Variants in SGCD observed in about 807,000 individuals in gnomAD.
SGCD encodes sarcoglycan delta, also known as delta-sarcoglycan.
A neutral mutation model predicts 36.6 loss-of-function variants in SGCD; 18 were observed. The ratio of observed to expected loss-of-function variants is 0.49; its 90% CI spans 0.34 to 0.73. The LOEUF is 0.73. Ranked by LOEUF, SGCD falls within the 30% of genes least tolerant of loss-of-function variation. The pLI is 0.01. For missense variants in SGCD, 387 were observed against 346.7 expected (o/e 1.12, Z -0.92); for synonymous variants, 133 against 130.6 (o/e 1.02, Z -0.12).
At chr5:156,229,300 A>ATACATACATATATATAT (rs1477607808) in intron 3 of SGCD, among the ~76,000 whole-genome samples, 1 of 126,178 alleles carries the variant, frequency 7.9e-6, no homozygotes, top group Non-Finnish European at 1.7e-5. Context: ...ATATATATAT[A>ATACATACATATATATAT]AAATTAGTTC....
chr5:155,914,096 T>G (rs954034665), intron 1 of SGCD, among the ~76,000 whole-genome samples: 4 of 152,150 alleles, frequency 2.6e-5, no homozygotes, highest in Non-Finnish European at 5.9e-5. Context: ...CTTGCCCAAA[T>G]TTGGTCTCAG....
At chr5:155,967,526 G>C (rs1341403420) in intron 1 of SGCD, among the ~76,000 whole-genome samples, 1 of 151,986 alleles carries the variant, frequency 6.6e-6, no homozygotes, top group Non-Finnish European at 1.5e-5. Context: ...CATCATGATG[G>C]AAAATTACTC....
intron 1 of SGCD, among the ~76,000 whole-genome samples, chr5:156,098,922 C>G (rs1006171418): frequency 6.6e-6 from 1 of 152,188 alleles, no homozygotes; most frequent in Non-Finnish European, 1.5e-5. Context: ...CTCCTACAAG[C>G]TTATGTCTGG....
chr5:155,953,330 T>C (rs1405347399), intron 1 of SGCD, among the ~76,000 whole-genome samples: 1 of 152,208 alleles, frequency 6.6e-6, no homozygotes, highest in Non-Finnish European at 1.5e-5. Flanking sequence ...CTGCAAACTA[T>C]AGCCTGTCTG....
At chr5:156,221,506 G>A (rs1764714411) in intron 3 of SGCD, among the ~76,000 whole-genome samples, 1 of 151,756 alleles carries the variant, frequency 6.6e-6, no homozygotes, top group African/African-American at 2.4e-5. Context: ...TTTCCCATCT[G>A]TATATGGAGA....
intron 1 of SGCD, among the ~76,000 whole-genome samples, chr5:155,945,761 G>A (rs78267523): frequency 0.088 from 13,385 of 152,206 alleles, 658 homozygotes; most frequent in South Asian, 0.17. Context: ...CTGGAGAAGC[G>A]GCCAGGGACC....
In SGCD at chr5:156,163,569, T is replaced by G. The variant is rs112253598; in HGVS notation, c.-44+39550T>G. Among the ~76,000 whole-genome samples, 924 of 151,676 alleles carry G rather than the reference T, an allele frequency of 6.1e-3. 9 individuals are homozygous for G. The highest frequency in any genetic ancestry group is 6.8e-3 in the Middle Eastern group (2 of 294). ...ACATGGTGCTAGATAATGGCTTCTT[T>G]TATTTCTTTTCTGTCCTGAGGTAGT... On this transcript the variant is annotated intron_variant, in intron 3 of 9. Transcript: ENST00000517913.
the SGCD span, among the ~76,000 whole-genome samples, chr5:155,821,151 A>G: frequency 6.6e-6 from 1 of 152,192 alleles, no homozygotes; most frequent in Non-Finnish European, 1.5e-5. Context: ...CTTGAAACCT[A>G]AACTGAAATT....
At chr5:156,743,691 G>T (rs1373791861) in intron 7 of SGCD, among the ~76,000 whole-genome samples, 1 of 152,200 alleles carries the variant, frequency 6.6e-6, no homozygotes, top group Non-Finnish European at 1.5e-5. Flanking sequence ...CTTTCTGAGA[G>T]AAATAGTCTT....
At chr5:155,889,227 C>A (rs1756070844) in intron 1 of SGCD, among the ~76,000 whole-genome samples, 1 of 151,994 alleles carries the variant, frequency 6.6e-6, no homozygotes, top group Non-Finnish European at 1.5e-5. Flanking sequence ...AATGAACTTA[C>A]CCACGTAGAG....
At chr5:156,631,422 G>A (rs1762626199) in intron 6 of SGCD, among the ~76,000 whole-genome samples, 1 of 149,550 alleles carries the variant, frequency 6.7e-6, no homozygotes, top group Admixed American at 6.7e-5. Flanking sequence ...TACCCAAATC[G>A]AGCTAAAAAG....
the SGCD span, among the ~76,000 whole-genome samples, chr5:155,756,103 A>T: frequency 6.6e-6 from 1 of 152,236 alleles, no homozygotes. Flanking sequence ...AATGCTTACC[A>T]GCTGCATGAC....
chr5:156,149,031 G>T (rs923400325), intron 3 of SGCD, among the ~76,000 whole-genome samples: 1 of 152,144 alleles, frequency 6.6e-6, no homozygotes, highest in Non-Finnish European at 1.5e-5. Flanking sequence ...TCAGGCACCA[G>T]TTTCTCCAGT....
chr5:156,657,864 G>A (rs1642213748), intron 7 of SGCD, among the ~76,000 whole-genome samples: 1 of 123,588 alleles, frequency 8.1e-6, no homozygotes, highest in Non-Finnish European at 1.7e-5. Context: ...CAGCCTCTGA[G>A]TTCCCTTAGT....
At chr5:155,882,364 C>A (rs1019877597) in intron 1 of SGCD, among the ~76,000 whole-genome samples, 1 of 152,154 alleles carries the variant, frequency 6.6e-6, no homozygotes, top group Non-Finnish European at 1.5e-5. Flanking sequence ...CAGACATGAG[C>A]CACTGTTCCT....
At chr5:155,938,060 A>G (rs925577145) in intron 1 of SGCD, among the ~76,000 whole-genome samples, 1 of 152,236 alleles carries the variant, frequency 6.6e-6, no homozygotes, top group Non-Finnish European at 1.5e-5. Flanking sequence ...ACATACAGAC[A>G]TGAACGCAAA....
chr5:156,487,136 T>G (rs571255523), intron 3 of SGCD, among the ~76,000 whole-genome samples: 2 of 152,254 alleles, frequency 1.3e-5, no homozygotes, highest in South Asian at 4.2e-4. Flanking sequence ...ATTATAAGTG[T>G]TTGAAGACTA....
chr5:156,322,647 C>G (rs1294064433), upstream of SGCD, among the ~76,000 whole-genome samples: 1 of 152,170 alleles, frequency 6.6e-6, no homozygotes, highest in East Asian at 1.9e-4. Context: ...TAAGAGATAA[C>G]TGCATGAACA....
chr5:155,842,020 A>G, the SGCD span, among the ~76,000 whole-genome samples: 2 of 152,150 alleles, frequency 1.3e-5, no homozygotes, highest in East Asian at 1.9e-4. Context: ...CTTTGTCACT[A>G]GGAGCTTGGG....
Sources: gnomAD v4.1 joint callset for allele counts (sites outside exome capture counted in the v4.1 genomes callset) on GRCh38, gnomAD v4.1.1 for gene constraint, MANE v1.5 for transcripts, NCBI Gene and HGNC (gene_info 2026-07-23, HGNC 2026-07-21) for gene names.